The following NAA16 variants were observed in gnomAD, a reference collection of about 807,000 sequenced individuals.
The protein encoded by NAA16 is N-alpha-acetyltransferase 16, NatA auxiliary subunit.
Under a neutral mutation model 110.3 loss-of-function variants are expected in NAA16, and 97 were observed. The observed-to-expected ratio is 0.88, with a 90% confidence interval of 0.75 to 1.04. The LOEUF is 1.04. Among genes scored for constraint, NAA16 ranks in the 50% least tolerant of loss-of-function variants. The probability of loss-of-function intolerance (pLI) is 0.00; values close to 1 mark genes in which losing one functional copy is unlikely to be tolerated. For synonymous variants in NAA16, 372 were observed against 330.6 expected (o/e 1.13, Z -1.36); for missense variants, 1,017 against 1,005.1 (o/e 1.01, Z -0.16).
rs757948342 is a variant in NAA16, at chr13:41,328,789, C to A, written c.757C>A (p.Arg253=). The A allele has an allele frequency of 1.2e-6, 2 of 1,605,760 alleles. No individual in the cohort carries two copies. The highest frequency in any genetic ancestry group is 1.7e-5 in the Admixed American group (1 of 59,886). The change falls in exon 7 of 20, where the codon CGA becomes AGA. Residue 253 remains arginine, a synonymous_variant. Transcript: ENST00000379406. ...ASEVFKNLID[R]NAENWCYYEG... ...TGAAGTGTTCAAAAACTTGATTGAT[C>A]GAAATGCAGAAAATTGGTGTTATTA...
At chr13:41,336,557 T>G (rs1190821193) in intron 8 of NAA16, 93 bp from the exon 9 acceptor site, 2 of 737,094 alleles carry the variant, frequency 2.7e-6, no homozygotes, top group East Asian at 5.4e-5. Flanking sequence ...AGGAGCATAA[T>G]TGCTTCTGAG....
At chr13:41,361,062 G>A (rs1267084917) in intron 12 of NAA16, among the ~76,000 whole-genome samples, 3 of 152,142 alleles carry the variant, frequency 2.0e-5, no homozygotes, top group Non-Finnish European at 2.9e-5. Context: ...ATTTATATAA[G>A]TGTATCTTTG....
At chr13:41,372,171 T>A (rs1285978142) in intron 15 of NAA16, 32 bp from the exon 16 acceptor site, 2 of 1,468,344 alleles carry the variant, frequency 1.4e-6, no homozygotes, top group African/African-American at 1.4e-5. Context: ...TCTGATGTTT[T>A]TTAAATAATT....
At chr13:41,318,221 T>G (rs2041856898) in intron 2 of NAA16, among the ~76,000 whole-genome samples, 1 of 152,070 alleles carries the variant, frequency 6.6e-6, no homozygotes, top group African/African-American at 2.4e-5. Context: ...TTTTTTTTTT[T>G]TAAGACAGAG....
rs1178435798 is a variant in NAA16 at position 41,375,470 on chromosome 13, A to G, written c.2463A>G (p.Glu821=). Reference sequence around the variant, plus strand: ...TTGGGAACTGTAGTTCCCAATATGAAGAATATAGGATGGCCTGTCATAACC... The same window carrying G: ...TTGGGAACTGTAGTTCCCAATATGAGGAATATAGGATGGCCTGTCATAACC... ...GSFGNCSSQY[E]EYRMACHNLL... Residue 821 remains glutamate, a synonymous_variant, in exon 20 of 20, where the codon GAA becomes GAG. Transcript: ENST00000379406. The G allele has an allele frequency of 6.2e-7, 1 of 1,613,948 alleles. No individual in the cohort carries two copies. The highest frequency in any genetic ancestry group is 1.3e-5 in the African/African-American group (1 of 75,054).
At chr13:41,373,266 G>T (rs1021246533) in intron 17 of NAA16, 80 of 651,886 alleles carry the variant, frequency 1.2e-4, no homozygotes, top group Middle Eastern at 7.9e-4. Flanking sequence ...TGTGTTTTTT[G>T]TTTTTTTTTT....
chr13:41,370,641 C>T (rs1214594718), intron 15 of NAA16, among the ~76,000 whole-genome samples: 1 of 152,168 alleles, frequency 6.6e-6, no homozygotes, highest in Non-Finnish European at 1.5e-5. Context: ...GAGGAAGTAC[C>T]TTGCCAGTAA....
chr13:41,315,360 A>G (rs1321455816), intron 1 of NAA16, among the ~76,000 whole-genome samples: 1 of 152,152 alleles, frequency 6.6e-6, no homozygotes, highest in Non-Finnish European at 1.5e-5. Context: ...AGTGGAAAGC[A>G]ATGGGGTGTT....
At chr13:41,327,140 C>A (rs1195138965) in intron 6 of NAA16, among the ~76,000 whole-genome samples, 1 of 151,884 alleles carries the variant, frequency 6.6e-6, no homozygotes, top group Non-Finnish European at 1.5e-5. Context: ...GAGCGTCTTA[C>A]TTTTAACTAC....
rs754106880 is a variant in NAA16, at chr13:41,336,711, A to T, written c.969A>T (p.Pro323=). Residue 323 remains proline, a synonymous_variant, in exon 9 of 20, where the codon CCA becomes CCT. Coordinates refer to ENST00000379406, the MANE Select transcript of NAA16 (RefSeq NM_024561.5). ...GGGTTAACTTCAGTAAAGGCTGCCCACCCTTGTTTACTACTTTGAAATCTT... is the reference window on the plus strand; with the variant it reads ...GGGTTAACTTCAGTAAAGGCTGCCCTCCCTTGTTTACTACTTTGAAATCTT... ...FLRVNFSKGC[P]PLFTTLKSLY... 1.2e-6 allele frequency: 2 copies of T among 1,609,258 alleles called. No individual in the cohort carries two copies.
At chr13:41,356,681 G>A (rs1329929224) in intron 10 of NAA16, among the ~76,000 whole-genome samples, 2 of 152,020 alleles carry the variant, frequency 1.3e-5, no homozygotes, top group African/African-American at 2.4e-5. Flanking sequence ...ATAAGTTGAT[G>A]GTTATGTCTC....
chr13:41,375,299 T>G (rs571730897), intron 19 of NAA16, 106 bp from the exon 20 acceptor site: 1 of 741,792 alleles, frequency 1.3e-6, no homozygotes, highest in Non-Finnish European at 2.2e-6. Context: ...TATTTTAGAC[T>G]GAGGCAGCTT....
chr13:41,340,989 G>A (rs1288550309), intron 9 of NAA16, among the ~76,000 whole-genome samples: 1 of 152,140 alleles, frequency 6.6e-6, no homozygotes, highest in Non-Finnish European at 1.5e-5. Context: ...TTAATCCTGA[G>A]TTCTAATTTG....
chr13:41,370,345 A>G (rs890049010), intron 15 of NAA16, among the ~76,000 whole-genome samples: 2 of 152,188 alleles, frequency 1.3e-5, no homozygotes, highest in Admixed American at 6.5e-5. Flanking sequence ...TGTAGAAAAA[A>G]AGTGCTCTAT....
At chr13:41,311,961 G>T (rs1375781638) in intron 1 of NAA16, among the ~76,000 whole-genome samples, 17 of 152,236 alleles carry the variant, frequency 1.1e-4, no homozygotes, top group Admixed American at 9.8e-4. Flanking sequence ...TATTTTGCCA[G>T]TCTCTCCTCG....
intron 9 of NAA16, among the ~76,000 whole-genome samples, chr13:41,344,086 T>C (rs1012612269): frequency 2.2e-4 from 33 of 147,348 alleles, no homozygotes; most frequent in African/African-American, 7.9e-4. Context: ...TTTCAAGTTA[T>C]TATTAAATAT....
rs968806165 is a variant in NAA16, at chr13:41,311,313, C to A, written c.-216C>A. ...CGCCGCCGCTGGCCAAAAAGCGGAG[C>A]CCAGGGGAAGCGTGTCCTGCTCAGA... On this transcript the variant is annotated 5_prime_UTR_variant, in exon 1 of 20. Coordinates refer to ENST00000379406, the MANE Select transcript of NAA16 (RefSeq NM_024561.5). The A allele has an allele frequency of 3.6e-6, 2 of 552,194 alleles. No homozygotes were observed. Among genetic ancestry groups the A allele is most frequent in the Non-Finnish European group, 6.3e-6 (2 of 316,582 alleles). 34.2% of individuals were successfully genotyped at this position (552,194 alleles called of 1,614,324 possible). A position where few individuals can be genotyped will look rare whatever the true frequency, so the allele number is the denominator to read the frequency against.
chr13:41,373,970 T>G (rs2043376478), intron 18 of NAA16, 190 bp downstream of exon 18: 1 of 870,144 alleles, frequency 1.1e-6, no homozygotes, highest in Non-Finnish European at 1.5e-6. Flanking sequence ...AATACCAGAT[T>G]TAAAGTGATG....
Position 41,320,750 on chromosome 13 carries a change from G to T in NAA16, c.328G>T (p.Asp110Tyr). 1.2e-6 allele frequency: 2 copies of T among 1,613,390 alleles called. No homozygotes were observed. The highest frequency in any genetic ancestry group is 1.7e-6 in the Non-Finnish European group (2 of 1,179,896). Residue 110 changes from aspartate (D) to tyrosine (Y), a missense_variant, in exon 4 of 20, where the codon GAT becomes TAT. Transcript: ENST00000379406. ...IKCYRNALKLDKDNLQILRDL... is the reference protein window; with the variant it reads ...IKCYRNALKLYKDNLQILRDL... ...ATGTTACCGAAATGCCCTCAAATTA[G>T]ATAAAGATAACCTGCAAATTTTGAG...
Sources: allele counts gnomAD v4.1 joint callset (sites outside exome capture counted in the v4.1 genomes callset), GRCh38; gene constraint gnomAD v4.1.1; transcripts MANE v1.5; gene names NCBI Gene and HGNC (gene_info 2026-07-23, HGNC 2026-07-21).